The following KCNC1 variants were observed in gnomAD, a reference collection of about 807,000 sequenced individuals.
KCNC1 encodes potassium voltage-gated channel subfamily C member 1.
A neutral mutation model predicts 43.4 loss-of-function variants in KCNC1; 8 were observed. That is an observed-to-expected ratio of 0.18 (90% CI 0.11 to 0.33). The LOEUF is 0.33. Ranked by LOEUF, KCNC1 falls within the 10% of genes least tolerant of loss-of-function variation. The pLI, the probability that KCNC1 is intolerant of heterozygous loss-of-function variation, is 1.00. For synonymous variants in KCNC1, 361 were observed against 360.5 expected (o/e 1.00, Z -0.01); for missense variants, 420 against 836.0 (o/e 0.50, Z 6.14).
Position 17,773,867 on chromosome 11 carries a change from C to T in KCNC1, c.1504+1269C>T, listed in dbSNP as rs1849257766. 1.0e-6 allele frequency: 1 copy of T among 985,510 alleles called. No homozygotes were observed. Among genetic ancestry groups the T allele is most frequent in the Non-Finnish European group, 1.2e-6 (1 of 829,982 alleles). 61.0% of individuals were successfully genotyped at this position (985,510 alleles called of 1,614,324 possible). On this transcript the variant is annotated intron_variant, in intron 2 of 3. Transcript: ENST00000265969. The surrounding 1 kb of genome is among the most constrained non-coding windows in gnomAD (Gnocchi z 4.1). ...GTTGACGTGACAGGTGGCATTTAGT[C>T]TATGAAGGACCTCCCCATGCCCAGG...
At chr11:17,760,089 T>C (rs1175881026) in intron 1 of KCNC1, among the ~76,000 whole-genome samples, 1 of 152,116 alleles carries the variant, frequency 6.6e-6, no homozygotes, top group African/African-American at 2.4e-5. Context: ...AAAAAAATGT[T>C]TGAGGCACCT....
Position 17,776,666 on chromosome 11 carries a change from G to A in KCNC1, c.1505-2790G>A. The A allele has an allele frequency of 1.0e-6, 1 of 984,896 alleles. No homozygotes were observed. The highest frequency in any genetic ancestry group is 1.2e-6 in the Non-Finnish European group (1 of 829,738). The allele number at this position is 984,896 out of a possible 1,614,324, so 61.0% of individuals were successfully genotyped here. ...GGGGCCTGGGGGCCCTGGGCTGGGG[G>A]AGGCAGGGCCCCCAGCCTCTGGAAA... On this transcript the variant is annotated intron_variant, in intron 2 of 3. Transcript: ENST00000265969. The surrounding 1 kb of genome is among the most constrained non-coding windows in gnomAD (Gnocchi z 4.4).
Position 17,745,300 on chromosome 11 carries a change from A to G in KCNC1, c.570+8728A>G, listed in dbSNP as rs560610591. Among the ~76,000 whole-genome samples, 3 of 152,240 alleles carry G rather than the reference A, an allele frequency of 2.0e-5. No individual in the cohort carries two copies. The East Asian group carries it at 5.8e-4, about 29-fold the overall frequency. ...CCTGGGGTGAGGCCCCATCACAGCC[A>G]TGGCAACCGCATCCATCTGGTGGCT... On this transcript the variant is annotated intron_variant, in intron 1 of 3. Coordinates refer to ENST00000265969, the MANE Select transcript of KCNC1 (RefSeq NM_001112741.2).
intron 1 of KCNC1, among the ~76,000 whole-genome samples, chr11:17,746,948 A>C (rs571497753): frequency 6.6e-6 from 1 of 152,274 alleles, no homozygotes; most frequent in Admixed American, 6.5e-5. Context: ...CCAATGTGTT[A>C]AGCACTTAGC....
rs1234962132 is a variant in KCNC1, at chr11:17,761,160, G to A, written c.571-10505G>A. On this transcript the variant is annotated intron_variant, in intron 1 of 3. Transcript: ENST00000265969. ...CTGGATCTTGGACACACCTGGACTC[G>A]TCCACAGGAAGCTGGCTGTGTGCTG... 5.9e-5 allele frequency among the ~76,000 whole-genome samples: 9 copies of A among 152,336 alleles called. No individual in the cohort carries two copies. In the South Asian group the frequency reaches 1.2e-3, roughly 21 times the overall value.
At chr11:17,766,784 G>A (rs538869107) in intron 1 of KCNC1, among the ~76,000 whole-genome samples, 7 of 151,940 alleles carry the variant, frequency 4.6e-5, no homozygotes, top group Non-Finnish European at 1.0e-4. Flanking sequence ...ACACAATCAG[G>A]GGGCGCTCTG....
intron 1 of KCNC1, among the ~76,000 whole-genome samples, chr11:17,765,245 T>G (rs1340841785): frequency 6.6e-6 from 1 of 152,212 alleles, no homozygotes; most frequent in Non-Finnish European, 1.5e-5. Flanking sequence ...GCCTTGTTCC[T>G]GAAACGCCAG....
intron 1 of KCNC1, among the ~76,000 whole-genome samples, chr11:17,761,464 G>T (rs1037653637): frequency 6.6e-6 from 1 of 152,214 alleles, no homozygotes; most frequent in African/African-American, 2.4e-5. Context: ...CCCTGGATCT[G>T]GGGAAGTCCT....
Position 17,782,005 on chromosome 11 carries a change from G to A in KCNC1, c.*271G>A. On this transcript the variant is annotated 3_prime_UTR_variant, in exon 4 of 4. Transcript: ENST00000265969. ...GGCTCCTTAGCATGACTTGCATGAAGTTAAACAGAAAACCCAGCAAACCAA... is the reference window on the plus strand; with the variant it reads ...GGCTCCTTAGCATGACTTGCATGAAATTAAACAGAAAACCCAGCAAACCAA... 1 of 408,300 alleles carries A rather than the reference G, an allele frequency of 2.4e-6. No homozygotes were observed. Among genetic ancestry groups the A allele is most frequent in the Non-Finnish European group, 4.3e-6 (1 of 231,046 alleles). The allele number at this position is 408,300 out of a possible 1,614,324, so 25.3% of individuals were successfully genotyped here. A position where few individuals can be genotyped will look rare whatever the true frequency, so the allele number is the denominator to read the frequency against.
Position 17,776,881 on chromosome 11 carries a change from A to C in KCNC1, c.1505-2575A>C. The C allele has an allele frequency of 1.0e-6, 1 of 985,348 alleles. No homozygotes were observed. Among genetic ancestry groups the C allele is most frequent in the Non-Finnish European group, 1.2e-6 (1 of 829,976 alleles). The allele number at this position is 985,348 out of a possible 1,614,324, so 61.0% of individuals were successfully genotyped here. ...TGCCCCAGTTTCTGAAAGCATCTTAAACCATAGATAGACGAACAGCCCAGG... is the reference window on the plus strand; with the variant it reads ...TGCCCCAGTTTCTGAAAGCATCTTACACCATAGATAGACGAACAGCCCAGG... On this transcript the variant is annotated intron_variant, in intron 2 of 3. Transcript: ENST00000265969. This position sits in a 1 kb window ranked among gnomAD's most constrained non-coding sequence, Gnocchi z 4.4.
chr11:17,743,239 G>A (rs1848861799), intron 1 of KCNC1, among the ~76,000 whole-genome samples: 1 of 152,224 alleles, frequency 6.6e-6, no homozygotes, highest in African/African-American at 2.4e-5. Context: ...GCGCGGTGGA[G>A]CCAGCAGTCA....
Position 17,771,541 on chromosome 11 carries a change from C to T in KCNC1, c.571-124C>T. ...CTGTGCCCTGAGGAGGGAAATGTAGCACGTGCTGCAGGGGGCCTGGTGCTG... is the reference window on the plus strand; with the variant it reads ...CTGTGCCCTGAGGAGGGAAATGTAGTACGTGCTGCAGGGGGCCTGGTGCTG... On this transcript the variant is annotated intron_variant, in intron 1 of 3. Transcript: ENST00000265969. This position sits in a 1 kb window ranked among gnomAD's most constrained non-coding sequence, Gnocchi z 4.7. 1 of 824,426 alleles carries T rather than the reference C, an allele frequency of 1.2e-6. No homozygotes were observed. Among genetic ancestry groups the T allele is most frequent in the South Asian group, 1.7e-5 (1 of 59,368 alleles). The allele number at this position is 824,426 out of a possible 1,614,324, so 51.1% of individuals were successfully genotyped here.
At chr11:17,745,776 A>T (rs1033268682) in intron 1 of KCNC1, among the ~76,000 whole-genome samples, 1 of 152,086 alleles carries the variant, frequency 6.6e-6, no homozygotes, top group African/African-American at 2.4e-5. Flanking sequence ...TCCCTTGGGT[A>T]TCAGCTCTCA....
At position 17,736,052 on chromosome 11, in the gene KCNC1, C is replaced by A; in HGVS notation, c.50C>A (p.Thr17Lys). The stretch of plus-strand genomic sequence containing the variant: ...CGCATCGTGATCAACGTGGGCGGCA[C>A]GCGCCACCAGACGTACCGCTCGACC... ...SERIVINVGG[T>K]RHQTYRSTLR... Residue 17 changes from threonine (T) to lysine (K), a missense_variant, in exon 1 of 4, where the codon ACG becomes AAG. Physicochemically the swap from Thr to Lys is moderately conservative, Grantham distance 78. This residue lies in a region of KCNC1 where 42 missense variants were observed against 81.5 expected (regional missense o/e 0.52). Transcript: ENST00000265969. This position sits in a 1 kb window ranked among gnomAD's most constrained non-coding sequence, Gnocchi z 9.3. 3.2e-6 allele frequency: 5 copies of A among 1,576,206 alleles called. No individual in the cohort carries two copies. Among genetic ancestry groups the A allele is most frequent in the Non-Finnish European group, 4.3e-6 (5 of 1,162,440 alleles).
At position 17,772,612 on chromosome 11, in the gene KCNC1, T is replaced by C; in HGVS notation, c.1504+14T>C. On this transcript the variant is annotated intron_variant, in intron 2 of 3. Coordinates refer to ENST00000265969, the MANE Select transcript of KCNC1 (RefSeq NM_001112741.2). ...TTAACAGAGCAGGTAGGAAACCTCT[T>C]AGAGGCATGTCGATCTGACCTTTCA... is the stretch of plus-strand genomic sequence containing the variant. The C allele has an allele frequency of 6.2e-7, 1 of 1,608,682 alleles. No homozygotes were observed. The highest frequency in any genetic ancestry group is 8.5e-7 in the Non-Finnish European group (1 of 1,176,434).
In KCNC1 at chr11:17,773,344, G is replaced by A; in HGVS notation, c.1504+746G>A. On this transcript the variant is annotated intron_variant, in intron 2 of 3. Coordinates refer to ENST00000265969, the MANE Select transcript of KCNC1 (RefSeq NM_001112741.2). The surrounding 1 kb of genome is among the most constrained non-coding windows in gnomAD (Gnocchi z 4.1). ...AGCTTTCACGTTGTCTGTTTGGGTT[G>A]ATGGTCGAGTGGGAGTTTCCGGTGA... 2.0e-6 allele frequency: 2 copies of A among 985,330 alleles called. No individual in the cohort carries two copies. Among genetic ancestry groups the A allele is most frequent in the East Asian group, 1.1e-4 (1 of 8,826 alleles). 61.0% of individuals were successfully genotyped at this position (985,330 alleles called of 1,614,324 possible).
intron 2 of KCNC1, chr11:17,772,831 GTTGGTCTCGTGA>G: frequency 1.7e-5 from 24 of 1,404,946 alleles, no homozygotes; most frequent in Non-Finnish European, 2.1e-5. Flanking sequence ...GGTTGACGCG[GTTGGTCTCGTGA>G]TGTTCTGAAG....
chr11:17,779,692 G>C lies in KCNC1; in HGVS notation c.1693+48G>C. ...CCGTGCATCGTCCGGGCCGCCTCGC[G>C]CTCCTGCAGATGGGTGGGCAGGGCG... On this transcript the variant is annotated intron_variant, in intron 3 of 3. Coordinates refer to ENST00000265969, the MANE Select transcript of KCNC1 (RefSeq NM_001112741.2). The surrounding 1 kb of genome is among the most constrained non-coding windows in gnomAD (Gnocchi z 7.2). The C allele has an allele frequency of 7.2e-7, 1 of 1,386,562 alleles. No homozygotes were observed. Among genetic ancestry groups the C allele is most frequent in the Admixed American group, 3.2e-5 (1 of 31,738 alleles). 85.9% of individuals were successfully genotyped at this position (1,386,562 alleles called of 1,614,324 possible). A position where few individuals can be genotyped will look rare whatever the true frequency, so the allele number is the denominator to read the frequency against.
In KCNC1 at chr11:17,773,960, C is replaced by G; in HGVS notation, c.1504+1362C>G. On this transcript the variant is annotated intron_variant, in intron 2 of 3. Coordinates refer to ENST00000265969, the MANE Select transcript of KCNC1 (RefSeq NM_001112741.2). This position sits in a 1 kb window ranked among gnomAD's most constrained non-coding sequence, Gnocchi z 4.1. Reference sequence around the variant, plus strand: ...GTTTCCCCCTGGTTTGGGTGGCCTCCCCCAGTGGATGATTGATTTTCTTCC... The same window carrying G: ...GTTTCCCCCTGGTTTGGGTGGCCTCGCCCAGTGGATGATTGATTTTCTTCC... 6.1e-6 allele frequency: 6 copies of G among 985,480 alleles called. No individual in the cohort carries two copies. Among genetic ancestry groups the G allele is most frequent in the Non-Finnish European group, 7.2e-6 (6 of 829,978 alleles). 61.0% of individuals were successfully genotyped at this position (985,480 alleles called of 1,614,324 possible).
Sources: allele counts gnomAD v4.1 joint callset (sites outside exome capture counted in the v4.1 genomes callset), GRCh38; gene constraint gnomAD v4.1.1; regional missense constraint gnomAD v4.1.1; non-coding constraint Gnocchi (gnomAD v3.1); transcripts MANE v1.5; gene names NCBI Gene and HGNC (gene_info 2026-07-23, HGNC 2026-07-21).